ARHGEF28: variants seen among roughly 807,000 people sequenced by gnomAD.
ARHGEF28 encodes Rho guanine nucleotide exchange factor 28, also known as 190 kDa guanine nucleotide exchange factor.
In ARHGEF28, 152 loss-of-function variants were observed where a neutral mutation model predicts 206.6. That is an observed-to-expected ratio of 0.74 (90% confidence interval 0.64 to 0.84). The LOEUF (loss-of-function observed/expected upper bound fraction) is 0.84, where lower values mean the gene tolerates loss of function less well. ARHGEF28 is among the 40% of genes least tolerant of loss of function. The pLI is 0.00. For missense variants in ARHGEF28, 2,028 were observed against 2,073.2 expected (o/e 0.98, Z 0.42); for synonymous variants, 763 against 776.4 (o/e 0.98, Z 0.29).
intron 2 of ARHGEF28, among the ~76,000 whole-genome samples, chr5:73,685,544 G>A (rs1430791380): frequency 2.0e-5 from 3 of 152,162 alleles, no homozygotes; most frequent in Admixed American, 2.0e-4. Flanking sequence ...GCCTGGGCAG[G>A]TGGGCCTGGG....
intron 2 of ARHGEF28, among the ~76,000 whole-genome samples, chr5:73,698,666 A>C (rs1199453277): frequency 6.6e-6 from 1 of 151,988 alleles, no homozygotes; most frequent in Non-Finnish European, 1.5e-5. Context: ...AGGCAATCGC[A>C]TCATTACAGA....
At chr5:73,730,053 C>G (rs905906994) in intron 2 of ARHGEF28, among the ~76,000 whole-genome samples, 3 of 152,098 alleles carry the variant, frequency 2.0e-5, no homozygotes, top group African/African-American at 4.8e-5. Context: ...GAATATATCG[C>G]CATCTAATTC....
At chr5:73,796,286 A>T (rs1455380833) in intron 9 of ARHGEF28, among the ~76,000 whole-genome samples, 3 of 152,210 alleles carry the variant, frequency 2.0e-5, no homozygotes, top group African/African-American at 7.2e-5. Context: ...TGTGAAGCTG[A>T]GGCATCTCAC....
At chr5:73,645,649 A>G (rs1158792962) in intron 1 of ARHGEF28, among the ~76,000 whole-genome samples, 2 of 152,210 alleles carry the variant, frequency 1.3e-5, no homozygotes, top group Non-Finnish European at 2.9e-5. Flanking sequence ...ATGTGTTATT[A>G]TTACTAACAA....
At chr5:73,821,629 C>T (rs1009386568) in intron 9 of ARHGEF28, among the ~76,000 whole-genome samples, 7 of 151,786 alleles carry the variant, frequency 4.6e-5, no homozygotes, top group African/African-American at 1.5e-4. Context: ...CAGAGTCCGC[C>T]GCTTCATTTG....
intron 12 of ARHGEF28, among the ~76,000 whole-genome samples, chr5:73,847,326 T>A (rs1382072115): frequency 2.6e-5 from 4 of 152,138 alleles, no homozygotes; most frequent in Non-Finnish European, 5.9e-5. Flanking sequence ...ATTACATAAG[T>A]AGTGCTTTTA....
chr5:73,663,723 G>A (rs1191946829), intron 1 of ARHGEF28, among the ~76,000 whole-genome samples: 2 of 152,172 alleles, frequency 1.3e-5, no homozygotes, highest in African/African-American at 2.4e-5. Context: ...TATTCAGGAC[G>A]ATTTTTAAAA....
chr5:73,771,651 A>G (rs1001705882), intron 4 of ARHGEF28, among the ~76,000 whole-genome samples: 1 of 152,104 alleles, frequency 6.6e-6, no homozygotes, highest in African/African-American at 2.4e-5. Flanking sequence ...ATGTGTGCAT[A>G]TGTATATTTG....
intron 5 of ARHGEF28, 135 bp from the exon 6 acceptor site, chr5:73,776,381 T>C (rs1753543251): frequency 1.5e-6 from 1 of 669,592 alleles, no homozygotes; most frequent in African/African-American, 1.8e-5. Context: ...CTTATGTATT[T>C]ATTGCACGTA....
chr5:73,815,481 A>T (rs992037293), intron 9 of ARHGEF28, among the ~76,000 whole-genome samples: 1 of 152,182 alleles, frequency 6.6e-6, no homozygotes, highest in Non-Finnish European at 1.5e-5. Flanking sequence ...GAATATTATC[A>T]GTTCTGGTAT....
rs117607425 is a variant in ARHGEF28, at chr5:73,904,143, T to G, written c.4075-79T>G. On this transcript the variant is annotated intron_variant, in intron 31 of 35. Coordinates refer to ENST00000513042, the MANE Select transcript of ARHGEF28 (RefSeq NM_001177693.2). The stretch of plus-strand genomic sequence containing the variant: ...AGATAGCAAAGTGATTTACCCAAGG[T>G]CATACATTTTGGGACACTGCAGGGC... The G allele has an allele frequency of 1.9e-3, 2,558 of 1,382,098 alleles. 64 individuals are homozygous for G. In the East Asian group the frequency reaches 0.052, roughly 28 times the overall value. 85.6% of individuals were successfully genotyped at this position (1,382,098 alleles called of 1,614,324 possible).
chr5:73,751,076 C>G (rs1751995093), intron 3 of ARHGEF28, among the ~76,000 whole-genome samples: 1 of 152,138 alleles, frequency 6.6e-6, no homozygotes. Context: ...TGTCTTTAGT[C>G]CAGTAATCTG....
Position 73,882,471 on chromosome 5 carries a change from G to T in ARHGEF28, c.2815-1G>T. The stretch of plus-strand genomic sequence containing the variant: ...CCATTATTTAAATGTTATTCTTCCA[G>T]TTTTCAGAAGAAAATGCAAGTAAAA... On this transcript the variant is annotated splice_acceptor_variant, in intron 22 of 35. Coordinates refer to ENST00000513042, the MANE Select transcript of ARHGEF28 (RefSeq NM_001177693.2). LOFTEE classifies it high-confidence loss of function. 1 of 1,425,756 alleles carries T rather than the reference G, an allele frequency of 7.0e-7. No individual in the cohort carries two copies. Among genetic ancestry groups the T allele is most frequent in the Non-Finnish European group, 9.4e-7 (1 of 1,067,444 alleles). The allele number at this position is 1,425,756 out of a possible 1,614,324, so 88.3% of individuals were successfully genotyped here.
chr5:73,902,513 T>A (rs1762325979), intron 31 of ARHGEF28: 2 of 152,184 alleles, frequency 1.3e-5, no homozygotes, highest in South Asian at 4.1e-4. Context: ...TCTGCAAAAT[T>A]TTTTGCTTAA....
At chr5:73,770,157 G>A (rs1381469749) in intron 4 of ARHGEF28, among the ~76,000 whole-genome samples, 1 of 152,300 alleles carries the variant, frequency 6.6e-6, no homozygotes, top group Non-Finnish European at 1.5e-5. Context: ...CAGATGCCTG[G>A]AAGCTTTGAC....
At chr5:73,832,238 A>G (rs1757343401) in intron 9 of ARHGEF28, 100 bp from the exon 10 acceptor site, 1 of 1,400,816 alleles carries the variant, frequency 7.1e-7, no homozygotes. Flanking sequence ...CTCTTAAAAA[A>G]TGCACTTGAC....
intron 1 of ARHGEF28, among the ~76,000 whole-genome samples, chr5:73,630,099 AT>A (rs1474050401): frequency 1.3e-5 from 2 of 152,214 alleles, no homozygotes; most frequent in Non-Finnish European, 1.5e-5. Flanking sequence ...CCTTTAAAAA[AT>A]ATACACTTGA....
chr5:73,904,619 ATAAAACAGTTCATATCTTTAAAAAATAT>A, intron 33 of ARHGEF28: 1 of 555,986 alleles, frequency 1.8e-6, no homozygotes, highest in Non-Finnish European at 3.1e-6. Flanking sequence ...CTCTGAAATC[ATAAAACAGTTCATATCTTTAAAAAATAT>A]TGATGAATAT....
chr5:73,941,002 G>T lies in ARHGEF28; in HGVS notation c.5107G>T (p.Val1703Phe), dbSNP rs1433394873. ...ETGDGAKENIVYL is the reference protein window; with the variant it reads ...ETGDGAKENIFYL ...TGGAGATGGAGCCAAAGAAAATATTGTTTACCTCTAATTGTGTTGTCATTT... is the reference window on the plus strand; with the variant it reads ...TGGAGATGGAGCCAAAGAAAATATTTTTTACCTCTAATTGTGTTGTCATTT... The change falls in exon 36 of 36, where the codon GTT becomes TTT. Residue 1703 changes from valine (V) to phenylalanine (F), a missense_variant. By Grantham distance (50) the Val-to-Phe change is conservative (BLOSUM62 -1). Transcript: ENST00000513042. 1.1e-5 allele frequency: 16 copies of T among 1,511,248 alleles called. No individual in the cohort carries two copies. Among genetic ancestry groups the T allele is most frequent in the Non-Finnish European group, 1.2e-5 (14 of 1,139,156 alleles). The allele number at this position is 1,511,248 out of a possible 1,614,324, so 93.6% of individuals were successfully genotyped here. A position where few individuals can be genotyped will look rare whatever the true frequency, so the allele number is the denominator to read the frequency against.
Sources: allele counts gnomAD v4.1 joint callset (sites outside exome capture counted in the v4.1 genomes callset), GRCh38; gene constraint gnomAD v4.1.1; transcripts MANE v1.5; gene names NCBI Gene and HGNC (gene_info 2026-07-23, HGNC 2026-07-21).